Variants in PAH observed in about 807,000 individuals in gnomAD.
The protein encoded by PAH is phenylalanine-4-hydroxylase.
Under a neutral mutation model 62.0 loss-of-function variants are expected in PAH, and 64 were observed. That is an observed-to-expected ratio of 1.03 (90% CI 0.84 to 1.27). The LOEUF (loss-of-function observed/expected upper bound fraction) is 1.27. Ranked by LOEUF, PAH falls within the 50% of genes most tolerant of loss-of-function variation. The pLI is 0.00. For synonymous variants in PAH, 195 were observed against 196.2 expected (o/e 0.99, Z 0.05); for missense variants, 579 against 542.8 (o/e 1.07, Z -0.66).
In PAH at chr12:102,929,135, G is replaced by GT. The variant is rs1417819012; in HGVS notation, c.-95-11911dup. On this transcript the variant is annotated intron_variant, in intron 1 of 3. Transcript: ENST00000546844. ...GCTTCCCCTTCCACCATGATTGTCAGTTTCCTGAGGCCTCCTCAGCCCTGC... is the reference window on the plus strand; with the variant it reads ...GCTTCCCCTTCCACCATGATTGTCAGTTTTCCTGAGGCCTCCTCAGCCCTGC... Among the ~76,000 whole-genome samples, 4 of 152,232 alleles carry GT rather than the reference G, an allele frequency of 2.6e-5. No individual in the cohort carries two copies. In the East Asian group the frequency reaches 7.7e-4, roughly 29 times the overall value.
At chr12:102,905,451 C>A (rs568776002) in intron 2 of PAH, among the ~76,000 whole-genome samples, 1 of 152,110 alleles carries the variant, frequency 6.6e-6, no homozygotes, top group Non-Finnish European at 1.5e-5. Flanking sequence ...GTTTAAAGAT[C>A]GTTCTCTTTA....
upstream of PAH, chr12:102,953,416 T>A (rs2136779726): frequency 6.6e-6 from 1 of 152,364 alleles, no homozygotes; most frequent in African/African-American, 2.4e-5. Context: ...CATATCTTCT[T>A]TTTACAGAGA....
At chr12:102,915,198 A>T (rs1592990065) in intron 1 of PAH, 2 of 152,312 alleles carry the variant, frequency 1.3e-5, no homozygotes, top group South Asian at 4.1e-4. Context: ...CAATTCTCTT[A>T]GGAAATGTTT....
chr12:102,924,425 A>T lies in PAH; in HGVS notation c.-95-7200T>A, dbSNP rs549236183. Among the ~76,000 whole-genome samples the T allele has an allele frequency of 2.6e-5, 4 of 152,328 alleles. No homozygotes were observed. The East Asian group carries it at 7.7e-4, about 29-fold the overall frequency. On this transcript the variant is annotated intron_variant, in intron 1 of 3. Coordinates refer to the PAH transcript ENST00000546844. ...AGTTTTATGCATTTGTAAAGAATTTAACAAATGGAGATGTTAGAGACAATT... is the reference window on the plus strand; with the variant it reads ...AGTTTTATGCATTTGTAAAGAATTTTACAAATGGAGATGTTAGAGACAATT...
exon 1 of PAH, chr12:102,958,245 A>G (rs761296721): frequency 4.8e-6 from 7 of 1,469,174 alleles, no homozygotes; most frequent in East Asian, 3.0e-5. Flanking sequence ...GCCGCTGCGC[A>G]TGGAAAGCTC....
upstream of PAH, among the ~76,000 whole-genome samples, chr12:102,919,653 G>A (rs2173443): frequency 0.47 from 70,986 of 151,782 alleles, 19,586 homozygotes; most frequent in African/African-American, 0.77. Context: ...CCATGAATCA[G>A]ATTGTTTTGA....
At chr12:102,941,246 C>G (rs983999942) in intron 1 of PAH, among the ~76,000 whole-genome samples, 1 of 152,122 alleles carries the variant, frequency 6.6e-6, no homozygotes, top group African/African-American at 2.4e-5. Flanking sequence ...TGTAAAGCAA[C>G]TACACAATTT....
intron 2 of PAH, among the ~76,000 whole-genome samples, chr12:102,910,925 G>A (rs1257474597): frequency 6.6e-6 from 1 of 152,174 alleles, no homozygotes; most frequent in African/African-American, 2.4e-5. Context: ...TTGGGGGGAA[G>A]TTTATATTCT....
In PAH at chr12:102,868,186, A is replaced by G. The variant is rs796760559; in HGVS notation, c.442-1523T>C. Among the ~76,000 whole-genome samples the G allele has an allele frequency of 3.3e-3, 51 of 15,676 alleles. 10 individuals are homozygous for G. Among genetic ancestry groups the G allele is most frequent in the South Asian group, 0.011 (6 of 532 alleles). 10.3% of individuals were successfully genotyped at this position (15,676 alleles called of 152,430 possible). A position where few individuals can be genotyped will look rare whatever the true frequency, so the allele number is the denominator to read the frequency against. On this transcript the variant is annotated intron_variant, in intron 4 of 12. Coordinates refer to ENST00000553106, the MANE Select transcript of PAH (RefSeq NM_000277.3). ...TATATACATATATGTGTATATATAT[A>G]TATATATATATATATATATCAGGGC... is the stretch of plus-strand genomic sequence containing the variant.
chr12:102,879,435 G>T (rs1876725276), intron 3 of PAH, among the ~76,000 whole-genome samples: 1 of 151,790 alleles, frequency 6.6e-6, no homozygotes, highest in African/African-American at 2.4e-5. Flanking sequence ...CTAAACAGGA[G>T]CCTCAGGAGG....
At chr12:102,873,998 A>G (rs1251185592) in intron 4 of PAH, among the ~76,000 whole-genome samples, 3 of 152,218 alleles carry the variant, frequency 2.0e-5, no homozygotes, top group Admixed American at 1.3e-4. Flanking sequence ...CCATGAGGTT[A>G]TAAGTCATGA....
upstream of PAH, among the ~76,000 whole-genome samples, chr12:102,955,432 G>C (rs929345936): frequency 2.0e-5 from 3 of 152,154 alleles, no homozygotes; most frequent in Non-Finnish European, 2.9e-5. Flanking sequence ...GCTCAGACTC[G>C]GGACCTTTGT....
At chr12:102,941,022 C>T (rs1270781061) in intron 1 of PAH, among the ~76,000 whole-genome samples, 4 of 152,194 alleles carry the variant, frequency 2.6e-5, no homozygotes, top group Non-Finnish European at 5.9e-5. Flanking sequence ...CTATATTCAG[C>T]ATTCCTAAAG....
At chr12:102,943,919 C>G (rs567165264) in intron 1 of PAH, among the ~76,000 whole-genome samples, 3 of 152,212 alleles carry the variant, frequency 2.0e-5, no homozygotes, top group African/African-American at 7.2e-5. Context: ...GAAAAATTAC[C>G]TATCAGATAC....
In PAH at chr12:102,845,653, T is replaced by A. The variant is rs140856432; in HGVS notation, c.970-1222A>T. ...AGTCACAGTTTTGGAGAATTAGGGG[T>A]AGGTTATTAGTTACATCTGTTTATT... On this transcript the variant is annotated intron_variant, in intron 9 of 12. Transcript: ENST00000553106. Among the ~76,000 whole-genome samples, 4 of 152,148 alleles carry A rather than the reference T, an allele frequency of 2.6e-5. No individual in the cohort carries two copies. In the East Asian group the frequency reaches 5.8e-4, roughly 22 times the overall value.
At chr12:102,848,081 A>C (rs1019958811) in intron 8 of PAH, among the ~76,000 whole-genome samples, 1 of 152,224 alleles carries the variant, frequency 6.6e-6, no homozygotes, top group African/African-American at 2.4e-5. Flanking sequence ...GGTAATGAGC[A>C]GATAGATGGT....
chr12:102,903,961 A>G (rs1343727370), intron 2 of PAH, among the ~76,000 whole-genome samples: 1 of 152,196 alleles, frequency 6.6e-6, no homozygotes, highest in African/African-American at 2.4e-5. Context: ...GTATTTTCCT[A>G]AAAGGCATGG....
chr12:102,890,335 T>C (rs1159168726), intron 3 of PAH, among the ~76,000 whole-genome samples: 1 of 152,238 alleles, frequency 6.6e-6, no homozygotes, highest in Non-Finnish European at 1.5e-5. Context: ...ACAATGCTTT[T>C]CTTCCTCTGA....
At chr12:102,913,434 T>G (rs1878276805) in intron 1 of PAH, among the ~76,000 whole-genome samples, 1 of 152,200 alleles carries the variant, frequency 6.6e-6, no homozygotes. Flanking sequence ...GAATCCTCTC[T>G]CTTTCATTTT....
Sources: allele counts gnomAD v4.1 joint callset (sites outside exome capture counted in the v4.1 genomes callset), GRCh38; gene constraint gnomAD v4.1.1; transcripts MANE v1.5; gene names NCBI Gene and HGNC (gene_info 2026-07-23, HGNC 2026-07-21).